Variants in GPATCH2 observed in about 807,000 individuals in gnomAD.
GPATCH2 encodes G-patch domain containing 2, also known as G patch domain-containing protein 2.
Under a neutral mutation model 58.0 loss-of-function variants are expected in GPATCH2, and 51 were observed. The ratio of observed to expected loss-of-function variants is 0.88; its 90% CI spans 0.70 to 1.11. GPATCH2 has a LOEUF of 1.11. GPATCH2 is among the 50% of genes most tolerant of loss of function. GPATCH2 has a pLI of 0.00. For synonymous variants in GPATCH2, 222 were observed against 218.5 expected, an observed-to-expected ratio of 1.02 and a Z score of -0.14; for missense variants, 625 against 652.2, an observed-to-expected ratio of 0.96 and a Z score of 0.45.
At position 217,523,294 on chromosome 1, in the gene GPATCH2, G is replaced by A. The variant is rs964124846; in HGVS notation, c.1099-8405C>T. Among the ~76,000 whole-genome samples, 71 of 151,738 alleles carry A rather than the reference G, an allele frequency of 4.7e-4. 1 individual carries two copies. Among genetic ancestry groups the A allele is most frequent in the African/African-American group, 1.6e-3 (67 of 41,084 alleles). On this transcript the variant is annotated intron_variant, in intron 5 of 9. Transcript: ENST00000366935. ...GATAAACAAGTGAACAAAGGTCTCT[G>A]GTTTTCCTAGGCAGAGGACCCTGCA...
chr1:217,540,672 A>G (rs1012380451), intron 5 of GPATCH2, among the ~76,000 whole-genome samples: 5 of 152,212 alleles, frequency 3.3e-5, no homozygotes, highest in African/African-American at 1.2e-4. Flanking sequence ...AGGATTCAAC[A>G]AGTACCTACT....
At chr1:217,552,225 C>T (rs1033558195) in intron 5 of GPATCH2, among the ~76,000 whole-genome samples, 9 of 152,056 alleles carry the variant, frequency 5.9e-5, no homozygotes, top group African/African-American at 2.2e-4. Context: ...TAAAACCTCT[C>T]TTAACAGTTA....
intron 5 of GPATCH2, among the ~76,000 whole-genome samples, chr1:217,591,568 TTGAAAGG>T (rs1350248635): frequency 5.3e-5 from 8 of 152,202 alleles, no homozygotes; most frequent in African/African-American, 1.9e-4. Context: ...ACTTCCTCTT[TTGAAAGG>T]TGAGTATGAT....
At chr1:217,497,285 A>G (rs1662058832) in intron 7 of GPATCH2, among the ~76,000 whole-genome samples, 1 of 152,168 alleles carries the variant, frequency 6.6e-6, no homozygotes, top group African/African-American at 2.4e-5. Context: ...AATAAGAGGA[A>G]CACATCATAG....
At chr1:217,545,438 T>C (rs1038417097) in intron 5 of GPATCH2, among the ~76,000 whole-genome samples, 1 of 152,186 alleles carries the variant, frequency 6.6e-6, no homozygotes, top group Non-Finnish European at 1.5e-5. Context: ...GGGCAGCACC[T>C]AGAGTCTGCG....
At chr1:217,542,727 C>A (rs1300369012) in intron 5 of GPATCH2, among the ~76,000 whole-genome samples, 2 of 152,178 alleles carry the variant, frequency 1.3e-5, no homozygotes. Context: ...AGTTGGGTTT[C>A]TCTTACTTAA....
intron 5 of GPATCH2, among the ~76,000 whole-genome samples, chr1:217,552,009 T>C (rs1665386090): frequency 6.6e-6 from 1 of 152,178 alleles, no homozygotes; most frequent in Non-Finnish European, 1.5e-5. Flanking sequence ...TTTAAATTCT[T>C]AATCAACCTA....
At chr1:217,605,932 CTCCACATA>C (rs1329308663) in intron 5 of GPATCH2, among the ~76,000 whole-genome samples, 1 of 152,024 alleles carries the variant, frequency 6.6e-6, no homozygotes. Flanking sequence ...GGATAATAGC[CTCCACATA>C]TCCCTTGAAA....
At chr1:217,442,138 T>C (rs1249948289) in intron 9 of GPATCH2, among the ~76,000 whole-genome samples, 4 of 152,182 alleles carry the variant, frequency 2.6e-5, no homozygotes, top group Non-Finnish European at 5.9e-5. Flanking sequence ...GTGGCACATA[T>C]GCACCATGGA....
chr1:217,550,598 A>G (rs1333854921), intron 5 of GPATCH2, among the ~76,000 whole-genome samples: 1 of 152,084 alleles, frequency 6.6e-6, no homozygotes, highest in Non-Finnish European at 1.5e-5. Context: ...GGTTTAAAAA[A>G]AAGACATAGC....
chr1:217,582,469 T>C (rs1393080652), intron 5 of GPATCH2, among the ~76,000 whole-genome samples: 2 of 152,036 alleles, frequency 1.3e-5, no homozygotes, highest in Non-Finnish European at 2.9e-5. Context: ...TCTATTTACA[T>C]TTTTTCAAAT....
chr1:217,506,546 C>A (rs1159314455), intron 6 of GPATCH2, among the ~76,000 whole-genome samples: 1 of 152,124 alleles, frequency 6.6e-6, no homozygotes, highest in Non-Finnish European at 1.5e-5. Flanking sequence ...TGCCTTTTGG[C>A]CTTTGGGCAT....
intron 5 of GPATCH2, among the ~76,000 whole-genome samples, chr1:217,578,699 G>A (rs765652269): frequency 2.0e-5 from 3 of 152,100 alleles, no homozygotes; most frequent in Non-Finnish European, 4.4e-5. Context: ...CACAATACAC[G>A]TATTTTGATA....
chr1:217,541,912 G>T (rs1664763515), intron 5 of GPATCH2, among the ~76,000 whole-genome samples: 1 of 152,142 alleles, frequency 6.6e-6, no homozygotes, highest in Non-Finnish European at 1.5e-5. Flanking sequence ...TCTTTCACAA[G>T]CTACATTTTA....
chr1:217,433,361 C>CACATATATATATATAT (rs1491151192), intron 9 of GPATCH2, among the ~76,000 whole-genome samples: 3 of 118,554 alleles, frequency 2.5e-5, no homozygotes, highest in African/African-American at 1.0e-4. Context: ...TTAAGCTGTT[C>CACATATATATATATAT]ATATATATAT....
chr1:217,472,541 A>T (rs1010709460), intron 8 of GPATCH2, among the ~76,000 whole-genome samples: 12 of 152,042 alleles, frequency 7.9e-5, no homozygotes, highest in African/African-American at 2.9e-4. Flanking sequence ...TGACCTCATG[A>T]TCTGCTCACC....
intron 5 of GPATCH2, among the ~76,000 whole-genome samples, chr1:217,536,994 C>T (rs772568185): frequency 3.3e-5 from 5 of 151,978 alleles, no homozygotes; most frequent in Non-Finnish European, 7.4e-5. Flanking sequence ...ACAAACAAAC[C>T]AGCCAAACAA....
chr1:217,586,849 C>T (rs982394301), intron 5 of GPATCH2, among the ~76,000 whole-genome samples: 6 of 152,112 alleles, frequency 3.9e-5, no homozygotes, highest in Non-Finnish European at 8.8e-5. Flanking sequence ...ATGGGATCAC[C>T]ATTGTAGAAA....
intron 8 of GPATCH2, among the ~76,000 whole-genome samples, chr1:217,490,090 C>T (rs1407037034): frequency 2.0e-5 from 3 of 152,056 alleles, no homozygotes; most frequent in South Asian, 2.1e-4. Flanking sequence ...AAATATTCCT[C>T]GTTTTTGAAA....
Sources: allele counts gnomAD v4.1 joint callset (sites outside exome capture counted in the v4.1 genomes callset), GRCh38; gene constraint gnomAD v4.1.1; transcripts MANE v1.5; gene names NCBI Gene and HGNC (gene_info 2026-07-23, HGNC 2026-07-21).